The following CHL1 variants were observed in gnomAD, a reference collection of about 807,000 sequenced individuals.
The protein encoded by CHL1 is neural cell adhesion molecule L1-like protein.
In CHL1, 96 loss-of-function variants were observed where a neutral mutation model predicts 141.9. The observed-to-expected ratio is 0.68, with a 90% confidence interval of 0.57 to 0.80. The LOEUF (loss-of-function observed/expected upper bound fraction) is 0.80. Ranked by LOEUF, CHL1 falls within the 30% of genes least tolerant of loss-of-function variation. CHL1 has a pLI of 0.00. For synonymous variants in CHL1, 613 were observed against 502.2 expected (o/e 1.22, Z -2.95); for missense variants, 1,820 against 1,457.2 (o/e 1.25, Z -4.05).
intron 1 of CHL1, among the ~76,000 whole-genome samples, chr3:242,313 C>A (rs34828236): frequency 6.6e-6 from 1 of 151,396 alleles, no homozygotes. Flanking sequence ...AATACAGAGA[C>A]TGGCTGAGCG....
At chr3:399,576 T>C (rs1022651563) in intron 26 of CHL1, among the ~76,000 whole-genome samples, 1 of 151,672 alleles carries the variant, frequency 6.6e-6, no homozygotes, top group African/African-American at 2.4e-5. Flanking sequence ...GGAGGTGGAG[T>C]TTGCAGTGAG....
At chr3:295,033 C>G (rs1199902571) in intron 2 of CHL1, among the ~76,000 whole-genome samples, 2 of 152,152 alleles carry the variant, frequency 1.3e-5, no homozygotes, top group African/African-American at 4.8e-5. Context: ...CTTGCCCTCC[C>G]TTTCTCCTTC....
chr3:338,139 T>C (rs1702077392), intron 5 of CHL1, among the ~76,000 whole-genome samples: 1 of 152,158 alleles, frequency 6.6e-6, no homozygotes, highest in South Asian at 2.1e-4. Context: ...GCAAACATTC[T>C]TGAAATTCTG....
At chr3:386,574 A>G (rs1365931441) in intron 19 of CHL1, among the ~76,000 whole-genome samples, 3 of 152,212 alleles carry the variant, frequency 2.0e-5, no homozygotes, top group Non-Finnish European at 4.4e-5. Context: ...GTTCTTAAGC[A>G]TATGTATGTG....
At chr3:243,073 G>A (rs770671269) in intron 1 of CHL1, among the ~76,000 whole-genome samples, 1 of 152,200 alleles carries the variant, frequency 6.6e-6, no homozygotes, top group Non-Finnish European at 1.5e-5. Context: ...TACCATGGCT[G>A]TAGGAGATCC....
chr3:247,226 G>T (rs575721565), intron 2 of CHL1: 2 of 151,218 alleles, frequency 1.3e-5, no homozygotes, highest in Admixed American at 6.6e-5. Flanking sequence ...GTTACACCAG[G>T]GCTTGGCTCC....
At chr3:313,236 T>A (rs950496791) in intron 2 of CHL1, among the ~76,000 whole-genome samples, 4 of 152,216 alleles carry the variant, frequency 2.6e-5, no homozygotes, top group Non-Finnish European at 4.4e-5. Context: ...TGCTGTGTTA[T>A]ATTTTCTTCT....
At position 221,345 on chromosome 3, in the gene CHL1, G is replaced by T. The variant is rs114623309; in HGVS notation, c.-174-23268G>T. Reference sequence around the variant, plus strand: ...ACACTAATCATCATTGTAAAATTAAGACTATAGTAATCAGTGCATTTTGAG... The same window carrying T: ...ACACTAATCATCATTGTAAAATTAATACTATAGTAATCAGTGCATTTTGAG... On this transcript the variant is annotated intron_variant, in intron 1 of 27. Transcript: ENST00000256509. Among the ~76,000 whole-genome samples the T allele has an allele frequency of 1.9e-3, 294 of 152,234 alleles. 2 individuals are homozygous for T. The highest frequency in any genetic ancestry group is 6.9e-3 in the African/African-American group (286 of 41,548).
chr3:262,960 T>G (rs564878192), intron 2 of CHL1, among the ~76,000 whole-genome samples: 6 of 152,236 alleles, frequency 3.9e-5, no homozygotes, highest in Non-Finnish European at 5.9e-5. Context: ...TATTAATCCT[T>G]AATGACAGCT....
At chr3:264,378 T>C (rs567630630) in intron 2 of CHL1, among the ~76,000 whole-genome samples, 1 of 152,322 alleles carries the variant, frequency 6.6e-6, no homozygotes, top group South Asian at 2.1e-4. Context: ...TAGGAGTATG[T>C]AGTTTTTTTT....
In CHL1 at chr3:319,673, G is replaced by T; in HGVS notation, c.-94-10G>T. 1.6e-6 allele frequency: 1 copy of T among 625,754 alleles called. No homozygotes were observed. The highest frequency in any genetic ancestry group is 2.9e-5 in the Admixed American group (1 of 34,656). 38.8% of individuals were successfully genotyped at this position (625,754 alleles called of 1,614,324 possible). A position where few individuals can be genotyped will look rare whatever the true frequency, so the allele number is the denominator to read the frequency against. On this transcript the variant is annotated splice_polypyrimidine_tract_variant and intron_variant, in intron 2 of 27. Transcript: ENST00000256509. The stretch of plus-strand genomic sequence containing the variant: ...TGTGAACTAACATGTTATTCTGTTT[G>T]TGTTTTTAGTTTCCAGGTTAACTAA...
At chr3:283,847 T>C (rs1326048087) in intron 2 of CHL1, among the ~76,000 whole-genome samples, 1 of 152,176 alleles carries the variant, frequency 6.6e-6, no homozygotes, top group Non-Finnish European at 1.5e-5. Flanking sequence ...TCCACCCCAG[T>C]TGAGAACAGC....
intron 2 of CHL1, among the ~76,000 whole-genome samples, chr3:279,092 A>C (rs970688261): frequency 6.6e-6 from 1 of 152,248 alleles, no homozygotes; most frequent in African/African-American, 2.4e-5. Context: ...GTGTCTTAGA[A>C]AAATAGATTA....
In CHL1 at chr3:399,078, G is replaced by A. The variant is rs377087372; in HGVS notation, c.3315G>A (p.Ala1105=). The A allele has an allele frequency of 1.9e-5, 31 of 1,607,374 alleles. 1 individual carries two copies. The highest frequency in any genetic ancestry group is 3.3e-4 in the Middle Eastern group (2 of 6,052). The change falls in exon 26 of 28, where the codon GCG becomes GCA. Residue 1105 remains alanine, a synonymous_variant. Transcript: ENST00000256509. ...TQGWFIGLMC[A]IALLTLLLLT... is the part of the protein sequence containing the mutation. ...GCTGGTTTATTGGACTGATGTGTGCGATTGCTCTTCTCACACTACTATTAT... is the reference window on the plus strand; with the variant it reads ...GCTGGTTTATTGGACTGATGTGTGCAATTGCTCTTCTCACACTACTATTAT...
intron 12 of CHL1, among the ~76,000 whole-genome samples, chr3:360,647 A>G (rs1704145473): frequency 6.7e-6 from 1 of 150,208 alleles, no homozygotes; most frequent in African/African-American, 2.5e-5. Flanking sequence ...TGTGCAGGTT[A>G]GTTACATATG....
In CHL1 at chr3:337,640, A is replaced by G. The variant is rs569232197; in HGVS notation, c.386-3154A>G. Among the ~76,000 whole-genome samples the G allele has an allele frequency of 1.2e-4, 18 of 151,754 alleles. 2 individuals carry two copies. In the South Asian group the frequency reaches 2.7e-3, roughly 23 times the overall value. Reference sequence around the variant, plus strand: ...TGTTTGGTTTTTTGTCCTTGCGATAATTTGCTGATAATGATGGTTTTCAGC... The same window carrying G: ...TGTTTGGTTTTTTGTCCTTGCGATAGTTTGCTGATAATGATGGTTTTCAGC... On this transcript the variant is annotated intron_variant, in intron 5 of 27. Coordinates refer to ENST00000256509, the MANE Select transcript of CHL1 (RefSeq NM_006614.4).
chr3:212,123 A>G (rs1699947989), intron 1 of CHL1, among the ~76,000 whole-genome samples: 1 of 152,174 alleles, frequency 6.6e-6, no homozygotes, highest in Non-Finnish European at 1.5e-5. Flanking sequence ...CAGGAAAACA[A>G]ATGCAGAGTG....
chr3:405,007 G>A (rs9865737), intron 27 of CHL1, among the ~76,000 whole-genome samples: 4 of 152,070 alleles, frequency 2.6e-5, no homozygotes, highest in African/African-American at 4.8e-5. Context: ...CGTGAAAGGG[G>A]TAGGGCAGCT....
chr3:398,883 C>A, intron 25 of CHL1, 134 bp from the exon 26 acceptor site: 1 of 673,582 alleles, frequency 1.5e-6, no homozygotes, highest in Non-Finnish European at 2.5e-6. Flanking sequence ...CTTCAAATTG[C>A]ATTCCTTCTG....
Sources: gnomAD v4.1 joint callset for allele counts (sites outside exome capture counted in the v4.1 genomes callset) on GRCh38, gnomAD v4.1.1 for gene constraint, MANE v1.5 for transcripts, NCBI Gene and HGNC (gene_info 2026-07-23, HGNC 2026-07-21) for gene names.